Variants in DLGAP4 observed in about 807,000 individuals in gnomAD.
DLGAP4 encodes the protein disks large-associated protein 4.
In DLGAP4, 18 loss-of-function variants were observed where a neutral mutation model predicts 86.9. The ratio of observed to expected loss-of-function variants is 0.21; its 90% CI spans 0.14 to 0.31. The LOEUF (loss-of-function observed/expected upper bound fraction) is 0.31, where lower values mean the gene tolerates loss of function less well. Ranked by LOEUF, DLGAP4 falls within the 10% of genes least tolerant of loss-of-function variation. The pLI is 1.00. For missense variants in DLGAP4, 1,085 were observed against 1,362.6 expected (o/e 0.80, Z 3.21); for synonymous variants, 548 against 574.3 (o/e 0.95, Z 0.65).
At chr20:36,310,181 AAAGAAAGAAAGAAAGAAAGAAAGAAAG>A (rs1230551559) in intron 1 of DLGAP4, among the ~76,000 whole-genome samples, 98 of 2,218 alleles carry the variant, frequency 0.044, 5 homozygotes, top group East Asian at 0.27. Flanking sequence ...AAAAAAAAAA[AAAGAAAGAAAGAAAGAAAGAAAGAAAG>A]AAAGAAAGAA....
At chr20:36,378,251 C>T (rs1237807315) in intron 2 of DLGAP4, among the ~76,000 whole-genome samples, 1 of 152,182 alleles carries the variant, frequency 6.6e-6, no homozygotes. Flanking sequence ...CTCCACCTCT[C>T]TGAGCCTCTT....
Position 36,439,815 on chromosome 20 carries a change from G to A in DLGAP4, c.1303G>A (p.Glu435Lys), listed in dbSNP as rs1409318145. Residue 435 changes from glutamate to lysine, a missense_variant, in exon 5 of 13, where the codon GAG (glutamate) becomes AAG (lysine). This residue lies in a region of DLGAP4 where 1,082 missense variants were observed against 1,344.1 expected (regional missense o/e 0.81). Transcript: ENST00000339266. ...LLPSKCPSWE[E>K]DYTPVSDSLN... ...GCCCTCCAAGTGTCCGAGCTGGGAA[G>A]AGGACTACACCCCCGTCAGCGACAG... is the stretch of plus-strand genomic sequence containing the variant. 4 of 1,613,758 alleles carry A rather than the reference G, an allele frequency of 2.5e-6. No homozygotes were observed. The African/African-American group carries it at 5.3e-5, about 22-fold the overall frequency.
At chr20:36,367,579 C>T (rs1197868306) in intron 2 of DLGAP4, among the ~76,000 whole-genome samples, 2 of 152,180 alleles carry the variant, frequency 1.3e-5, no homozygotes, top group African/African-American at 4.8e-5. Flanking sequence ...CCAGCTCTTG[C>T]CACACCCAAG....
At chr20:36,453,934 CAAAAAAAA>C (rs1194294335) in intron 7 of DLGAP4, among the ~76,000 whole-genome samples, 3 of 42,694 alleles carry the variant, frequency 7.0e-5, no homozygotes, top group Non-Finnish European at 9.4e-5. Flanking sequence ...ACTCTGTCTC[CAAAAAAAA>C]AAAAAAAAAA....
At chr20:36,310,650 G>A (rs1429131724) in intron 1 of DLGAP4, among the ~76,000 whole-genome samples, 3 of 152,208 alleles carry the variant, frequency 2.0e-5, no homozygotes, top group African/African-American at 7.2e-5. Context: ...CTCCAAGGCT[G>A]CACAGCTGGT....
intron 1 of DLGAP4, among the ~76,000 whole-genome samples, chr20:36,336,000 T>C (rs1825826456): frequency 1.3e-5 from 2 of 152,156 alleles, no homozygotes; most frequent in African/African-American, 4.8e-5. Context: ...TTCTAAGCGC[T>C]GCTCCCACCC....
chr20:36,520,896 G>A (rs537215303), intron 10 of DLGAP4, among the ~76,000 whole-genome samples: 201 of 152,114 alleles, frequency 1.3e-3, no homozygotes, highest in Non-Finnish European at 2.1e-3. Flanking sequence ...GCAGTAGCGT[G>A]ATCTTGGCTC....
At chr20:36,508,787 G>A (rs990179264) in intron 10 of DLGAP4, 1 of 152,228 alleles carries the variant, frequency 6.6e-6, no homozygotes, top group Non-Finnish European at 1.5e-5. Flanking sequence ...GCCATGAGGT[G>A]GGAGAACTTC....
At chr20:36,455,460 T>C (rs1004678516) in intron 7 of DLGAP4, among the ~76,000 whole-genome samples, 2 of 152,190 alleles carry the variant, frequency 1.3e-5, no homozygotes, top group African/African-American at 4.8e-5. Context: ...CACCTGAGTG[T>C]GTGCAAGCAC....
chr20:36,312,634 A>G (rs2065063194), intron 1 of DLGAP4, among the ~76,000 whole-genome samples: 1 of 152,174 alleles, frequency 6.6e-6, no homozygotes, highest in African/African-American at 2.4e-5. Context: ...TGAGGCACTT[A>G]TGGAGCGCCT....
At chr20:36,437,678 G>C (rs573867562) in intron 4 of DLGAP4, among the ~76,000 whole-genome samples, 1 of 152,136 alleles carries the variant, frequency 6.6e-6, no homozygotes, top group South Asian at 2.1e-4. Flanking sequence ...CTTCAACTAG[G>C]GGGGACAGGA....
chr20:36,481,898 A>G (rs1422139964), intron 7 of DLGAP4, among the ~76,000 whole-genome samples: 3 of 152,138 alleles, frequency 2.0e-5, no homozygotes, highest in Non-Finnish European at 4.4e-5. Flanking sequence ...TGACGTCACT[A>G]AGCCATTTTT....
At chr20:36,332,937 C>A (rs572925317) in intron 1 of DLGAP4, among the ~76,000 whole-genome samples, 1 of 152,212 alleles carries the variant, frequency 6.6e-6, no homozygotes, top group East Asian at 1.9e-4. Flanking sequence ...AAAGAGGAAG[C>A]TCCAGACAGG....
intron 1 of DLGAP4, among the ~76,000 whole-genome samples, chr20:36,352,648 G>A (rs782452609): frequency 3.9e-5 from 6 of 152,136 alleles, no homozygotes; most frequent in Non-Finnish European, 8.8e-5. Flanking sequence ...GTTCAGGAGA[G>A]GAAGGGAAGG....
At chr20:36,446,320 T>A (rs989069848) in intron 6 of DLGAP4, among the ~76,000 whole-genome samples, 32 of 152,200 alleles carry the variant, frequency 2.1e-4, no homozygotes, top group African/African-American at 7.5e-4. Flanking sequence ...AATATCCAGC[T>A]ACCTACCGCC....
chr20:36,351,234 G>A (rs933908888), intron 1 of DLGAP4, among the ~76,000 whole-genome samples: 4 of 152,138 alleles, frequency 2.6e-5, no homozygotes, highest in South Asian at 4.1e-4. Context: ...GGTGTCATCC[G>A]TACTTATAAA....
intron 3 of DLGAP4, among the ~76,000 whole-genome samples, chr20:36,433,575 G>A (rs947175713): frequency 6.6e-6 from 1 of 152,186 alleles, no homozygotes; most frequent in African/African-American, 2.4e-5. Flanking sequence ...TGCTTCTGCA[G>A]GTAGTGAGTG....
chr20:36,385,892 C>T (rs1316111194), intron 2 of DLGAP4, among the ~76,000 whole-genome samples: 1 of 152,208 alleles, frequency 6.6e-6, no homozygotes, highest in African/African-American at 2.4e-5. Flanking sequence ...TGCCTCCCCA[C>T]TTCAGCCCAG....
At chr20:36,491,928 C>T (rs1188856807) in intron 7 of DLGAP4, among the ~76,000 whole-genome samples, 2 of 152,172 alleles carry the variant, frequency 1.3e-5, no homozygotes, top group Admixed American at 6.5e-5. Flanking sequence ...CCTCAATTGC[C>T]CCAGGCCTGT....
Sources: allele counts gnomAD v4.1 joint callset (sites outside exome capture counted in the v4.1 genomes callset), GRCh38; gene constraint gnomAD v4.1.1; regional missense constraint gnomAD v4.1.1; transcripts MANE v1.5; gene names NCBI Gene and HGNC (gene_info 2026-07-23, HGNC 2026-07-21).